Variants in GRIA4 observed in about 807,000 individuals in gnomAD.
GRIA4 encodes glutamate ionotropic receptor AMPA type subunit 4.
In GRIA4, 34 loss-of-function variants were observed where a neutral mutation model predicts 104.0. That is an observed-to-expected ratio of 0.33 (90% CI 0.25 to 0.44). The LOEUF (loss-of-function observed/expected upper bound fraction) is 0.44, where lower values mean the gene tolerates loss of function less well. Among genes scored for constraint, GRIA4 ranks in the 20% least tolerant of loss-of-function variants. The pLI, the probability that GRIA4 is intolerant of heterozygous loss-of-function variation, is 1.00. For missense variants in GRIA4, 750 were observed against 1,096.5 expected (o/e 0.68, Z 4.46); for synonymous variants, 386 against 381.9 (o/e 1.01, Z -0.13).
At chr11:105,964,364 A>G (rs1182918157) in intron 14 of GRIA4, among the ~76,000 whole-genome samples, 1 of 152,226 alleles carries the variant, frequency 6.6e-6, no homozygotes, top group Non-Finnish European at 1.5e-5. Context: ...TTACTCTCCA[A>G]GTGGATCAGA....
At chr11:105,829,483 G>A (rs1222476657) in intron 4 of GRIA4, among the ~76,000 whole-genome samples, 1 of 151,950 alleles carries the variant, frequency 6.6e-6, no homozygotes, top group Non-Finnish European at 1.5e-5. Flanking sequence ...AAGTGGCAAG[G>A]ACTGCTAGCT....
At chr11:105,798,333 T>C (rs1174143003) in intron 4 of GRIA4, among the ~76,000 whole-genome samples, 1 of 152,034 alleles carries the variant, frequency 6.6e-6, no homozygotes, top group Non-Finnish European at 1.5e-5. Flanking sequence ...AGGACTTCTG[T>C]GGAAGAGATT....
intron 3 of GRIA4, among the ~76,000 whole-genome samples, chr11:105,724,270 C>A (rs1938031685): frequency 6.6e-6 from 1 of 151,556 alleles, no homozygotes; most frequent in Non-Finnish European, 1.5e-5. Context: ...AAGATAGGGA[C>A]AGAATCAATA....
At chr11:105,689,195 A>G (rs552949838) in intron 3 of GRIA4, among the ~76,000 whole-genome samples, 137 of 152,334 alleles carry the variant, frequency 9.0e-4, no homozygotes, top group Middle Eastern at 3.4e-3. Context: ...GGCATCACCA[A>G]GAAGAGATGG....
intron 4 of GRIA4, among the ~76,000 whole-genome samples, chr11:105,757,149 A>G (rs543678064): frequency 1.3e-5 from 2 of 152,336 alleles, no homozygotes; most frequent in East Asian, 3.9e-4. Flanking sequence ...TCATTAAACC[A>G]GATTCCACAG....
intron 3 of GRIA4, among the ~76,000 whole-genome samples, chr11:105,646,302 C>T (rs1189205343): frequency 6.6e-6 from 1 of 152,078 alleles, no homozygotes. Flanking sequence ...ATTGTTTACA[C>T]AGTAATTCAA....
chr11:105,843,202 T>C (rs1234934758), intron 4 of GRIA4, among the ~76,000 whole-genome samples: 3 of 152,212 alleles, frequency 2.0e-5, no homozygotes, highest in Non-Finnish European at 4.4e-5. Flanking sequence ...CATCAGGAGT[T>C]TGATTAAATT....
At chr11:105,744,107 C>G (rs952862028) in intron 3 of GRIA4, among the ~76,000 whole-genome samples, 5 of 152,178 alleles carry the variant, frequency 3.3e-5, no homozygotes, top group African/African-American at 1.2e-4. Flanking sequence ...GTACCTCTTC[C>G]CTGTGCCTCC....
intron 7 of GRIA4, among the ~76,000 whole-genome samples, chr11:105,902,726 C>T (rs1005357000): frequency 6.6e-6 from 1 of 152,166 alleles, no homozygotes; most frequent in Non-Finnish European, 1.5e-5. Context: ...TTCTACAGCA[C>T]AAATCTACTG....
intron 3 of GRIA4, among the ~76,000 whole-genome samples, chr11:105,696,928 T>TAAAAATACAA (rs1360041984): frequency 2.0e-5 from 3 of 152,060 alleles, no homozygotes; most frequent in Admixed American, 6.6e-5. Context: ...CCACCCCAGC[T>TAAAAATACAA]AATTTTTGTA....
At chr11:105,976,930 T>C (rs997660890) in intron 16 of GRIA4, among the ~76,000 whole-genome samples, 1 of 152,002 alleles carries the variant, frequency 6.6e-6, no homozygotes, top group Non-Finnish European at 1.5e-5. Flanking sequence ...GAAAAATAAG[T>C]CAAAGTTTTA....
chr11:105,879,329 C>T (rs1399844862), intron 5 of GRIA4, among the ~76,000 whole-genome samples: 1 of 152,178 alleles, frequency 6.6e-6, no homozygotes, highest in African/African-American at 2.4e-5. Context: ...GGAGCTGTTC[C>T]TATTCGGCCA....
At chr11:105,683,281 T>G (rs929628802) in intron 3 of GRIA4, among the ~76,000 whole-genome samples, 3 of 151,644 alleles carry the variant, frequency 2.0e-5, no homozygotes, top group Admixed American at 1.3e-4. Flanking sequence ...CCTCTTTAGA[T>G]TATATTATAT....
At chr11:105,649,808 C>T (rs920041668) in intron 3 of GRIA4, among the ~76,000 whole-genome samples, 18 of 151,948 alleles carry the variant, frequency 1.2e-4, no homozygotes, top group African/African-American at 4.3e-4. Flanking sequence ...CTCAACAACA[C>T]AGAGGTAGAT....
At chr11:105,643,136 G>C (rs555760705) in intron 3 of GRIA4, among the ~76,000 whole-genome samples, 2 of 152,140 alleles carry the variant, frequency 1.3e-5, no homozygotes, top group East Asian at 3.9e-4. Context: ...CCCATGACAA[G>C]TGGAGATTAT....
chr11:105,970,046 T>A (rs971702080), intron 14 of GRIA4, among the ~76,000 whole-genome samples: 8 of 151,888 alleles, frequency 5.3e-5, no homozygotes, highest in Admixed American at 2.0e-4. Context: ...ATTAACTGGG[T>A]TTAAAATAAC....
intron 14 of GRIA4, among the ~76,000 whole-genome samples, chr11:105,948,589 CTTTT>C (rs1383366276): frequency 4.5e-5 from 5 of 111,214 alleles, no homozygotes; most frequent in Admixed American, 1.0e-4. Context: ...CTTTTCTTTT[CTTTT>C]TGTTTTTTTT....
intron 11 of GRIA4, among the ~76,000 whole-genome samples, chr11:105,919,543 C>A (rs1439628674): frequency 6.6e-6 from 1 of 152,096 alleles, no homozygotes; most frequent in Non-Finnish European, 1.5e-5. Flanking sequence ...GTGGGCCTCA[C>A]ATGAAAGCAT....
intron 3 of GRIA4, among the ~76,000 whole-genome samples, chr11:105,737,706 G>T (rs1469971484): frequency 6.6e-6 from 1 of 152,008 alleles, no homozygotes; most frequent in East Asian, 1.9e-4. Flanking sequence ...AAGGTATAAT[G>T]GTCAAAATCC....
Sources: gnomAD v4.1 joint callset for allele counts (sites outside exome capture counted in the v4.1 genomes callset) on GRCh38, gnomAD v4.1.1 for gene constraint, MANE v1.5 for transcripts, NCBI Gene and HGNC (gene_info 2026-07-23, HGNC 2026-07-21) for gene names.